ITGA8: variants seen among roughly 807,000 people sequenced by gnomAD.
ITGA8 encodes integrin alpha-8.
A neutral mutation model predicts 142.3 loss-of-function variants in ITGA8; 91 were observed. The ratio of observed to expected loss-of-function variants is 0.64; its 90% CI spans 0.54 to 0.76. The LOEUF (loss-of-function observed/expected upper bound fraction) is 0.76. Ranked by LOEUF, ITGA8 falls within the 30% of genes least tolerant of loss-of-function variation. The pLI, the probability that ITGA8 is intolerant of heterozygous loss-of-function variation, is 0.00. For synonymous variants in ITGA8, 505 were observed against 485.2 expected, an observed-to-expected ratio of 1.04 and a Z score of -0.54; for missense variants, 1,406 against 1,327.7, an observed-to-expected ratio of 1.06 and a Z score of -0.92.
chr10:15,605,873 AC>A (rs1833186413), intron 18 of ITGA8, 82 bp from the exon 19 acceptor site: 4 of 1,247,032 alleles, frequency 3.2e-6, no homozygotes, highest in Non-Finnish European at 3.5e-6. Context: ...GAATGGTGCC[AC>A]AAACGGAACC....
rs781325950 is a variant in ITGA8 at position 15,548,530 on chromosome 10, T to C, written c.2805A>G (p.Ala935=). ...TNIECLQISC[A]VGRLEGGESA... ...TTTCTCCTCCTTCGAGTCGTCCCAC[T>C]GCACAGGAGATTTGTAAACACTCGA... The change falls in exon 27 of 30, where the codon GCA becomes GCG. Residue 935 remains alanine, a synonymous_variant. Transcript: ENST00000378076. 3.1e-6 allele frequency: 5 copies of C among 1,608,560 alleles called. No individual in the cohort carries two copies. Among genetic ancestry groups the C allele is most frequent in the South Asian group, 2.2e-5 (2 of 89,740 alleles).
intron 21 of ITGA8, among the ~76,000 whole-genome samples, chr10:15,595,898 C>A (rs968122224): frequency 6.6e-6 from 1 of 152,056 alleles, no homozygotes; most frequent in African/African-American, 2.4e-5. Flanking sequence ...ACTAAAAATA[C>A]AAAATTAGCC....
At chr10:15,600,443 G>A (rs976669100) in intron 20 of ITGA8, among the ~76,000 whole-genome samples, 3 of 152,206 alleles carry the variant, frequency 2.0e-5, no homozygotes, top group Admixed American at 6.5e-5. Context: ...TAAAGAGGAT[G>A]AGGGAGCAGA....
intron 2 of ITGA8, among the ~76,000 whole-genome samples, chr10:15,703,325 A>G (rs1330820726): frequency 6.6e-6 from 1 of 152,222 alleles, no homozygotes; most frequent in Non-Finnish European, 1.5e-5. Flanking sequence ...TGAATAACCA[A>G]TAGTGCCTAG....
Position 15,604,357 on chromosome 10 carries a change from TA to T in ITGA8, c.1971-3del. On this transcript the variant is annotated splice_region_variant and splice_polypyrimidine_tract_variant and intron_variant, in intron 19 of 29. Transcript: ENST00000378076. Reference sequence around the variant, plus strand: ...CCAATGATTACCTGATGCTTATCTCTAAAAATGCAGTTTAAAAAGAAGGATT... The same window carrying T: ...CCAATGATTACCTGATGCTTATCTCTAAAATGCAGTTTAAAAAGAAGGATT... 6.2e-7 allele frequency: 1 copy of T among 1,603,820 alleles called. No homozygotes were observed. The highest frequency in any genetic ancestry group is 8.5e-7 in the Non-Finnish European group (1 of 1,176,236).
intron 2 of ITGA8, among the ~76,000 whole-genome samples, chr10:15,706,802 T>G (rs1835266826): frequency 6.6e-6 from 1 of 152,148 alleles, no homozygotes; most frequent in African/African-American, 2.4e-5. Context: ...AACCCACCAT[T>G]GGCTACCCAC....
chr10:15,555,948 C>T (rs1393566382), intron 26 of ITGA8, among the ~76,000 whole-genome samples: 1 of 150,334 alleles, frequency 6.7e-6, no homozygotes, highest in Non-Finnish European at 1.5e-5. Context: ...CTGCCCACCT[C>T]GGCCTCCCAA....
intron 22 of ITGA8, among the ~76,000 whole-genome samples, chr10:15,587,845 G>A (rs542571812): frequency 9.3e-4 from 141 of 152,296 alleles, no homozygotes; most frequent in African/African-American, 3.3e-3. Context: ...AAATGCATGG[G>A]TTTCAAAATG....
Position 15,531,966 on chromosome 10 carries a change from G to A in ITGA8, c.2881-815C>T, listed in dbSNP as rs1833308653. Among the ~76,000 whole-genome samples, 3 of 135,874 alleles carry A rather than the reference G, an allele frequency of 2.2e-5. No individual in the cohort carries two copies. In the Admixed American group the frequency reaches 2.7e-4, roughly 12 times the overall value. 89.1% of individuals were successfully genotyped at this position (135,874 alleles called of 152,430 possible). ...GTCTCAAAAAGAAAAAAAAATCGTA[G>A]TATATTTCACAGATTACACAAGACT... On this transcript the variant is annotated intron_variant, in intron 27 of 29. Transcript: ENST00000378076.
chr10:15,653,071 G>A (rs951945388), intron 11 of ITGA8, among the ~76,000 whole-genome samples: 1 of 152,190 alleles, frequency 6.6e-6, no homozygotes, highest in South Asian at 2.1e-4. Flanking sequence ...TCATGATGCA[G>A]CTCCCCAGGG....
At chr10:15,612,823 G>T (rs1833322403) in intron 15 of ITGA8, among the ~76,000 whole-genome samples, 1 of 152,236 alleles carries the variant, frequency 6.6e-6, no homozygotes, top group Non-Finnish European at 1.5e-5. Flanking sequence ...TCTGTTGTCA[G>T]CATAGAAAAC....
At position 15,608,130 on chromosome 10, in the gene ITGA8, T is replaced by A. The variant is rs189407839; in HGVS notation, c.1609+105A>T. The A allele has an allele frequency of 5.7e-4, 451 of 797,454 alleles. 1 individual carries two copies. In the African/African-American group the frequency reaches 7.4e-3, roughly 13 times the overall value. 49.4% of individuals were successfully genotyped at this position (797,454 alleles called of 1,614,324 possible). ...TCCATATATGCAACAGATATCTTGG[T>A]ATTCCTCAAGGGTTCTTTCATTTTT... On this transcript the variant is annotated intron_variant, in intron 16 of 29. Transcript: ENST00000378076.
rs551918026 is a variant in ITGA8, at chr10:15,524,061, T to G, written c.2983-4649A>C. On this transcript the variant is annotated intron_variant, in intron 28 of 29. Transcript: ENST00000378076. ...TAGCGGGAAAGAATACACAGAGTCT[T>G]AAAAGAAGGCAACCTCTGAGTGACT... Among the ~76,000 whole-genome samples the G allele has an allele frequency of 2.0e-5, 3 of 152,360 alleles. No homozygotes were observed. In the South Asian group the frequency reaches 6.2e-4, roughly 32 times the overall value.
At chr10:15,528,664 C>A (rs891158794) in intron 28 of ITGA8, among the ~76,000 whole-genome samples, 1 of 152,134 alleles carries the variant, frequency 6.6e-6, no homozygotes, top group East Asian at 1.9e-4. Context: ...TGGAACCAAC[C>A]GTAACATGTG....
At chr10:15,569,360 C>G (rs1426434316) in intron 25 of ITGA8, among the ~76,000 whole-genome samples, 3 of 152,104 alleles carry the variant, frequency 2.0e-5, no homozygotes, top group African/African-American at 7.2e-5. Flanking sequence ...ACATGAACTA[C>G]TCACAGATGC....
At chr10:15,615,376 T>C (rs1471877463) in intron 14 of ITGA8, among the ~76,000 whole-genome samples, 1 of 152,224 alleles carries the variant, frequency 6.6e-6, no homozygotes, top group African/African-American at 2.4e-5. Context: ...CTTACCTATT[T>C]GAGGAAACTT....
chr10:15,626,855 C>G (rs1010762013), intron 13 of ITGA8, among the ~76,000 whole-genome samples: 6 of 152,144 alleles, frequency 3.9e-5, no homozygotes, highest in Non-Finnish European at 7.4e-5. Context: ...ACGCCTTGAT[C>G]TTGGACTTGC....
At chr10:15,694,195 TAATATATCATATATATGATAAC>T (rs1834989514) in intron 2 of ITGA8, among the ~76,000 whole-genome samples, 2 of 143,198 alleles carry the variant, frequency 1.4e-5, no homozygotes, top group South Asian at 4.3e-4. Flanking sequence ...ATATATATGA[TAATATATCATATATATGATAAC>T]ATATCATATA....
chr10:15,661,909 A>G lies in ITGA8; in HGVS notation c.848-987T>C, dbSNP rs576062250. Reference sequence around the variant, plus strand: ...CAGTTTTCAATAATCTTTATTTGGTATAAATTAAGTTCTCCTGACACTAAA... The same window carrying G: ...CAGTTTTCAATAATCTTTATTTGGTGTAAATTAAGTTCTCCTGACACTAAA... On this transcript the variant is annotated intron_variant, in intron 8 of 29. Transcript: ENST00000378076. 5.3e-5 allele frequency among the ~76,000 whole-genome samples: 8 copies of G among 152,262 alleles called. No individual in the cohort carries two copies. In the East Asian group the frequency reaches 9.7e-4, roughly 18 times the overall value.
Sources: allele counts gnomAD v4.1 joint callset (sites outside exome capture counted in the v4.1 genomes callset), GRCh38; gene constraint gnomAD v4.1.1; transcripts MANE v1.5; gene names NCBI Gene and HGNC (gene_info 2026-07-23, HGNC 2026-07-21).